CLTCL1: variants seen among roughly 807,000 people sequenced by gnomAD.
The protein encoded by CLTCL1 is clathrin heavy chain like 1.
A neutral mutation model predicts 190.0 loss-of-function variants in CLTCL1; 159 were observed. The observed-to-expected ratio is 0.84, with a 90% CI of 0.74 to 0.95. CLTCL1 has a LOEUF of 0.95. Ranked by LOEUF, CLTCL1 falls within the 40% of genes least tolerant of loss-of-function variation. The pLI, the probability that CLTCL1 is intolerant of heterozygous loss-of-function variation, is 0.00. For missense variants in CLTCL1, 1,878 were observed against 2,033.4 expected (o/e 0.92, Z 1.47); for synonymous variants, 752 against 769.6 (o/e 0.98, Z 0.38).
intron 2 of CLTCL1, among the ~76,000 whole-genome samples, chr22:19,260,281 A>G (rs1555974819): frequency 6.6e-6 from 1 of 152,218 alleles, no homozygotes; most frequent in East Asian, 1.9e-4. Flanking sequence ...AAGATCATTG[A>G]TGAACAAATT....
At chr22:19,282,850 G>C (rs2087767909) in intron 1 of CLTCL1, among the ~76,000 whole-genome samples, 1 of 151,054 alleles carries the variant, frequency 6.6e-6, no homozygotes, top group African/African-American at 2.4e-5. Flanking sequence ...TGAAAAGCCA[G>C]GTTTTTTCTT....
Position 19,239,237 on chromosome 22 carries a change from T to G in CLTCL1, c.795+38A>C, listed in dbSNP as rs200053538. 1.3e-4 allele frequency: 195 copies of G among 1,494,148 alleles called. 2 individuals carry two copies. In the African/African-American group the frequency reaches 2.2e-3, roughly 17 times the overall value. The allele number at this position is 1,494,148 out of a possible 1,614,324, so 92.6% of individuals were successfully genotyped here. A position where few individuals can be genotyped will look rare whatever the true frequency, so the allele number is the denominator to read the frequency against. ...TCTTGGGAGGTGCTAGAGTAGATTT[T>G]AGGACATGAAGATGTTTAGAGAGCA... On this transcript the variant is annotated intron_variant, in intron 5 of 32. Transcript: ENST00000427926.
rs2084496213 is a variant in CLTCL1 at position 19,191,329 on chromosome 22, G to C, written c.4298C>G (p.Thr1433Ser). Reference sequence around the variant, plus strand: ...CTTTGAAAAGAAACTGACTGTCCAGGTGTGGTCCAGCCGGGGTGAAAGCAC... The same window carrying C: ...CTTTGAAAAGAAACTGACTGTCCAGCTGTGGTCCAGCCGGGGTGAAAGCAC... ...LLVLSPRLDH[T>S]WTVSFFSKAG... Residue 1433 changes from threonine to serine, a missense_variant, in exon 27 of 33, where the codon ACC becomes AGC. Coordinates refer to ENST00000427926, the MANE Select transcript of CLTCL1 (RefSeq NM_007098.4). The C allele has an allele frequency of 6.2e-7, 1 of 1,614,020 alleles. No individual in the cohort carries two copies. The highest frequency in any genetic ancestry group is 1.3e-5 in the African/African-American group (1 of 75,064).
Position 19,257,719 on chromosome 22 carries a change from G to T in CLTCL1, c.251-3492C>A, listed in dbSNP as rs550768013. 1.2e-5 allele frequency: 13 copies of T among 1,121,462 alleles called. No homozygotes were observed. In the South Asian group the frequency reaches 1.6e-4, roughly 14 times the overall value. 69.5% of individuals were successfully genotyped at this position (1,121,462 alleles called of 1,614,324 possible). ...TTGGGGTCCAGGGCCCTGGCCACTGGGATGGCCAGGGGTCTGGCAGGAATA... is the reference window on the plus strand; with the variant it reads ...TTGGGGTCCAGGGCCCTGGCCACTGTGATGGCCAGGGGTCTGGCAGGAATA... On this transcript the variant is annotated intron_variant, in intron 2 of 32. Transcript: ENST00000427926.
At chr22:19,184,085 T>C in intron 29 of CLTCL1, 1 of 255,032 alleles carries the variant, frequency 3.9e-6, no homozygotes, top group South Asian at 4.6e-5. Flanking sequence ...TCCTTGCAAA[T>C]GTATTTGTCT....
At chr22:19,256,330 C>CT (rs1341263951) in intron 2 of CLTCL1, among the ~76,000 whole-genome samples, 19 of 120,110 alleles carry the variant, frequency 1.6e-4, no homozygotes, top group South Asian at 2.9e-4. Flanking sequence ...GCTAATTTTT[C>CT]TTTTTTTTTT....
chr22:19,201,871 T>C (rs1441930990), intron 22 of CLTCL1, among the ~76,000 whole-genome samples: 1 of 152,092 alleles, frequency 6.6e-6, no homozygotes, highest in Non-Finnish European at 1.5e-5. Context: ...CAGGTATCAC[T>C]CACCAGCCCT....
At chr22:19,185,179 G>A (rs2084271311) in intron 29 of CLTCL1, among the ~76,000 whole-genome samples, 2 of 152,210 alleles carry the variant, frequency 1.3e-5, no homozygotes, top group South Asian at 4.1e-4. Flanking sequence ...GGAGCCGCCT[G>A]TGCACTGGGG....
chr22:19,287,331 GA>G, intron 1 of CLTCL1, among the ~76,000 whole-genome samples: 1 of 152,288 alleles, frequency 6.6e-6, no homozygotes, highest in South Asian at 2.1e-4. Context: ...ACAAATCAGG[GA>G]GAGCTTCCAG....
At chr22:19,219,306 C>T (rs1272702608) in intron 18 of CLTCL1, among the ~76,000 whole-genome samples, 1 of 151,258 alleles carries the variant, frequency 6.6e-6, no homozygotes, top group Non-Finnish European at 1.5e-5. Context: ...TCTCCTGCTT[C>T]AGCCTCCTGA....
intron 5 of CLTCL1, 130 bp downstream of exon 5, chr22:19,239,145 A>G: frequency 1.4e-6 from 1 of 739,608 alleles, no homozygotes; most frequent in Non-Finnish European, 2.4e-6. Flanking sequence ...TAGGCCTCTA[A>G]ATGGGTTTGA....
intron 22 of CLTCL1, among the ~76,000 whole-genome samples, chr22:19,202,682 A>G (rs985603429): frequency 2.2e-5 from 3 of 135,366 alleles, no homozygotes; most frequent in Admixed American, 7.3e-5. Flanking sequence ...TGTCATCCAT[A>G]GCACCTCTAC....
At position 19,223,946 on chromosome 22, in the gene CLTCL1, C is replaced by T. The variant is rs782176270; in HGVS notation, c.2237G>A (p.Arg746Lys). 1 of 1,613,976 alleles carries T rather than the reference C, an allele frequency of 6.2e-7. No homozygotes were observed. Among genetic ancestry groups the T allele is most frequent in the South Asian group, 1.1e-5 (1 of 91,084 alleles). ...CKTGQIKEVE[R>K]ICRESSCYNP... ...GTAGCAGCTGCTCTCTCGGCATATC[C>T]TCTCCACCTCCTTGATCTGCCCTGT... The change falls in exon 14 of 33, where the codon AGG (arginine) becomes AAG (lysine). Residue 746 changes from arginine to lysine, a missense_variant. Coordinates refer to ENST00000427926, the MANE Select transcript of CLTCL1 (RefSeq NM_007098.4).
At position 19,216,240 on chromosome 22, in the gene CLTCL1, A is replaced by G. The variant is rs2085381488; in HGVS notation, c.2936T>C (p.Leu979Ser). 6.2e-7 allele frequency: 1 copy of G among 1,613,892 alleles called. No homozygotes were observed. The highest frequency in any genetic ancestry group is 1.7e-5 in the Admixed American group (1 of 60,008). ...QLIDQVVQTA[L>S]SETRDPEEIS... is the part of the protein sequence containing the mutation. The stretch of plus-strand genomic sequence containing the variant: ...CTCTTCAGGATCCCGTGTTTCTGAC[A>G]ATGCTGTCTGTACCACCTGGTTTTA... The change falls in exon 19 of 33, where the codon TTG becomes TCG. Residue 979 changes from leucine to serine, a missense_variant. Leu to Ser is a moderately radical substitution (Grantham distance 145). Coordinates refer to ENST00000427926, the MANE Select transcript of CLTCL1 (RefSeq NM_007098.4).
chr22:19,218,270 G>A (rs782148968), intron 18 of CLTCL1, among the ~76,000 whole-genome samples: 14 of 152,178 alleles, frequency 9.2e-5, no homozygotes, highest in Non-Finnish European at 1.8e-4. Flanking sequence ...CCAGGTGGCT[G>A]GACTATACCT....
At chr22:19,189,969 G>A (rs1555930587) in intron 27 of CLTCL1, among the ~76,000 whole-genome samples, 1 of 151,796 alleles carries the variant, frequency 6.6e-6, no homozygotes, top group African/African-American at 2.4e-5. Context: ...TTTTTTTTGA[G>A]ATGGAGTCTC....
chr22:19,194,818 C>T (rs138611057), intron 26 of CLTCL1, among the ~76,000 whole-genome samples: 206 of 152,334 alleles, frequency 1.4e-3, no homozygotes, highest in Middle Eastern at 0.01. Flanking sequence ...TATCGTGTGC[C>T]CCAAATACAG....
chr22:19,230,365 A>G (rs1360919190), intron 10 of CLTCL1, among the ~76,000 whole-genome samples: 1 of 152,040 alleles, frequency 6.6e-6, no homozygotes, highest in African/African-American at 2.4e-5. Flanking sequence ...CGGCCTCCCA[A>G]AGTGCTGAGA....
At position 19,180,212 on chromosome 22, in the gene CLTCL1, C is replaced by G. The variant is rs781864368; in HGVS notation, c.*7G>C. ...TGGGACACTTACTTAGTGCAATCAG[C>G]TGGGTCTCATTCATGCCCATCAAAA... On this transcript the variant is annotated 3_prime_UTR_variant, in exon 32 of 33. Transcript: ENST00000427926. 5 of 1,613,640 alleles carry G rather than the reference C, an allele frequency of 3.1e-6. No individual in the cohort carries two copies. In the South Asian group the frequency reaches 5.5e-5, roughly 18 times the overall value.
Sources: allele counts gnomAD v4.1 joint callset (sites outside exome capture counted in the v4.1 genomes callset), GRCh38; gene constraint gnomAD v4.1.1; transcripts MANE v1.5; gene names NCBI Gene and HGNC (gene_info 2026-07-23, HGNC 2026-07-21).